BLOC1S3: variants seen among roughly 807,000 people sequenced by gnomAD.
The protein encoded by BLOC1S3 is biogenesis of lysosome-related organelles complex 1 subunit 3.
Under a neutral mutation model 9.1 loss-of-function variants are expected in BLOC1S3, and 7 were observed. The ratio of observed to expected loss-of-function variants is 0.77; its 90% CI spans 0.44 to 1.45. The LOEUF (loss-of-function observed/expected upper bound fraction) is 1.45. Ranked by LOEUF, BLOC1S3 falls within the 40% of genes most tolerant of loss-of-function variation. The pLI, the probability that BLOC1S3 is intolerant of heterozygous loss-of-function variation, is 0.01. For synonymous variants in BLOC1S3, 145 were observed against 158.4 expected, an observed-to-expected ratio of 0.92 and a Z score of 0.64; for missense variants, 307 against 315.2, an observed-to-expected ratio of 0.97 and a Z score of 0.20.
Position 45,180,232 on chromosome 19 carries a change from C to A in BLOC1S3, c.*327C>A. 5.3e-6 allele frequency: 1 copy of A among 190,274 alleles called. No individual in the cohort carries two copies. The allele number at this position is 190,274 out of a possible 1,614,324, so 11.8% of individuals were successfully genotyped here. On this transcript the variant is annotated 3_prime_UTR_variant, in exon 2 of 2. Coordinates refer to ENST00000433642, the MANE Select transcript of BLOC1S3 (RefSeq NM_212550.5). The stretch of plus-strand genomic sequence containing the variant: ...AATCTGTTTCCACCCTGGGGGCTCA[C>A]CAATTTTTTTTTTTTTTTTTTTTTT...
At chr19:45,206,353 C>CA (rs529931068) in intron 3 of BLOC1S3, among the ~76,000 whole-genome samples, 2,608 of 83,780 alleles carry the variant, frequency 0.031, 64 homozygotes, top group Middle Eastern at 0.059. Context: ...GTGAAACTCT[C>CA]AAAAAAAAAA....
At chr19:45,184,115 C>T (rs893775120), downstream of BLOC1S3, among the ~76,000 whole-genome samples, 6 of 152,114 alleles carry the variant, frequency 3.9e-5, no homozygotes, top group African/African-American at 1.4e-4. Flanking sequence ...TTTTTCCCTC[C>T]CTCCTTCCTT....
chr19:45,179,979 CTGTGTCTCT>C lies in BLOC1S3; in HGVS notation c.*76_*84del, dbSNP rs1311616229. On this transcript the variant is annotated 3_prime_UTR_variant, in exon 2 of 2. Coordinates refer to ENST00000433642, the MANE Select transcript of BLOC1S3 (RefSeq NM_212550.5). This position sits in a 1 kb window ranked among gnomAD's most constrained non-coding sequence, Gnocchi z 4.6. ...TGCCTCTGGGACCTGACTCTGTCTC[CTGTGTCTCT>C]TATCACCCCCCACCCCCGCTCCCAT... is the stretch of plus-strand genomic sequence containing the variant. 6.5e-7 allele frequency: 1 copy of C among 1,539,278 alleles called. No homozygotes were observed. Among genetic ancestry groups the C allele is most frequent in the African/African-American group, 1.4e-5 (1 of 70,752 alleles).
rs768632277 is a variant in BLOC1S3 at position 45,213,082 on chromosome 19, C to T, written n.283-3594C>T. On this transcript the variant is annotated intron_variant and non_coding_transcript_variant, in intron 3 of 3. Transcript: ENST00000591569. ...GTTGGGTGACCCTCAGCGCTGGGCC[C>T]GAGGTCGCGCTAGAGACGGAGGCCG... 9.0e-5 allele frequency: 136 copies of T among 1,503,516 alleles called. No individual in the cohort carries two copies. Among genetic ancestry groups the T allele is most frequent in the Admixed American group, 2.0e-4 (8 of 40,098 alleles). The allele number at this position is 1,503,516 out of a possible 1,614,324, so 93.1% of individuals were successfully genotyped here. A position where few individuals can be genotyped will look rare whatever the true frequency, so the allele number is the denominator to read the frequency against.
Position 45,180,046 on chromosome 19 carries a change from C to T in BLOC1S3, c.*141C>T. On this transcript the variant is annotated 3_prime_UTR_variant, in exon 2 of 2. Coordinates refer to ENST00000433642, the MANE Select transcript of BLOC1S3 (RefSeq NM_212550.5). Reference sequence around the variant, plus strand: ...TCACCCATGGGGGCTAATCCGGTCCCCTTGGATAATGCTTTATATTGGATA... The same window carrying T: ...TCACCCATGGGGGCTAATCCGGTCCTCTTGGATAATGCTTTATATTGGATA... 2.1e-5 allele frequency: 19 copies of T among 923,326 alleles called. No homozygotes were observed. The highest frequency in any genetic ancestry group is 2.1e-5 in the Non-Finnish European group (13 of 624,556). 57.2% of individuals were successfully genotyped at this position (923,326 alleles called of 1,614,324 possible). A position where few individuals can be genotyped will look rare whatever the true frequency, so the allele number is the denominator to read the frequency against.
At chr19:45,208,744 AAACT>A (rs1969746244) in intron 3 of BLOC1S3, among the ~76,000 whole-genome samples, 1 of 151,804 alleles carries the variant, frequency 6.6e-6, no homozygotes, top group South Asian at 2.1e-4. Flanking sequence ...AACAAGAGTG[AAACT>A]ATCTCAGAAA....
At chr19:45,189,575 G>A (rs948042434) in intron 2 of BLOC1S3, among the ~76,000 whole-genome samples, 1 of 150,432 alleles carries the variant, frequency 6.6e-6, no homozygotes, top group African/African-American at 2.4e-5. Flanking sequence ...TGAGATTATA[G>A]GCATGTGCCA....
intron 3 of BLOC1S3, among the ~76,000 whole-genome samples, chr19:45,207,822 A>G (rs1489572175): frequency 1.3e-5 from 2 of 152,228 alleles, no homozygotes; most frequent in Non-Finnish European, 2.9e-5. Flanking sequence ...ACACATGTGC[A>G]CAGGTACACA....
At chr19:45,200,052 C>T (rs190766322) in intron 2 of BLOC1S3, among the ~76,000 whole-genome samples, 63 of 152,262 alleles carry the variant, frequency 4.1e-4, no homozygotes, top group African/African-American at 1.4e-3. Flanking sequence ...AGGTATGAGC[C>T]ACTGTGCCCG....
intron 2 of BLOC1S3, among the ~76,000 whole-genome samples, chr19:45,197,423 T>G (rs1458847104): frequency 1.5e-5 from 2 of 136,720 alleles, no homozygotes; most frequent in East Asian, 2.2e-4. Flanking sequence ...GGAGGTGGAG[T>G]TTGCAGTAAG....
intron 1 of BLOC1S3, 140 bp downstream of exon 1, chr19:45,178,971 A>C (rs1453897359): frequency 7.3e-6 from 2 of 275,504 alleles, no homozygotes; most frequent in Non-Finnish European, 1.4e-5. Flanking sequence ...TGAGATTGGC[A>C]TGGTGGACCA....
chr19:45,205,742 C>T (rs966754565), intron 3 of BLOC1S3, among the ~76,000 whole-genome samples: 1 of 152,110 alleles, frequency 6.6e-6, no homozygotes, highest in Non-Finnish European at 1.5e-5. Context: ...AAATTACATA[C>T]TTGATAAACA....
chr19:45,186,706 A>G (rs1969568298), downstream of BLOC1S3, among the ~76,000 whole-genome samples: 1 of 152,132 alleles, frequency 6.6e-6, no homozygotes, highest in Admixed American at 6.5e-5. Flanking sequence ...CTCCGTCTCA[A>G]CAACAACAAC....
At chr19:45,190,762 G>A (rs930346586) in intron 2 of BLOC1S3, among the ~76,000 whole-genome samples, 6 of 92,104 alleles carry the variant, frequency 6.5e-5, no homozygotes, top group African/African-American at 2.3e-4. Context: ...TCTATGATTG[G>A]TCACTGATGC....
chr19:45,191,323 G>T (rs1022333559), intron 2 of BLOC1S3, among the ~76,000 whole-genome samples: 4 of 151,162 alleles, frequency 2.6e-5, no homozygotes, highest in African/African-American at 9.7e-5. Flanking sequence ...GTTTCTCCAT[G>T]TTGGTCAGGC....
At position 45,195,751 on chromosome 19, in the gene BLOC1S3, C is replaced by T. The variant is rs150101382; in HGVS notation, n.181-6655C>T. ...CTGGGACTATAGGTGTGCACCACCA[C>T]GCTTGGCTAATTTTTGTGTTTTTAG... On this transcript the variant is annotated intron_variant and non_coding_transcript_variant, in intron 2 of 3. Transcript: ENST00000591569. Among the ~76,000 whole-genome samples, 1,109 of 152,140 alleles carry T rather than the reference C, an allele frequency of 7.3e-3. 15 individuals are homozygous for T. The highest frequency in any genetic ancestry group is 0.026 in the African/African-American group (1,059 of 41,514).
intron 3 of BLOC1S3, among the ~76,000 whole-genome samples, chr19:45,205,119 A>G (rs1192753286): frequency 6.6e-6 from 1 of 152,070 alleles, no homozygotes; most frequent in Non-Finnish European, 1.5e-5. Context: ...CAGAGATTTC[A>G]GACTAAATGA....
chr19:45,201,961 C>T (rs1052968409), intron 2 of BLOC1S3, among the ~76,000 whole-genome samples: 13 of 152,024 alleles, frequency 8.6e-5, no homozygotes, highest in African/African-American at 2.2e-4. Context: ...TGGCAGCTCA[C>T]GCCTGTAATC....
intron 3 of BLOC1S3, chr19:45,216,201 G>C (rs1162482017): frequency 1.2e-6 from 2 of 1,613,340 alleles, no homozygotes; most frequent in Non-Finnish European, 1.7e-6. Flanking sequence ...ACTCCTGCAG[G>C]GGAGGGAGGG....
Sources: gnomAD v4.1 joint callset for allele counts (sites outside exome capture counted in the v4.1 genomes callset) on GRCh38, gnomAD v4.1.1 for gene constraint, Gnocchi (gnomAD v3.1) non-coding constraint, MANE v1.5 for transcripts, NCBI Gene and HGNC (gene_info 2026-07-23, HGNC 2026-07-21) for gene names.